KAT6B: variants seen among roughly 807,000 people sequenced by gnomAD.
The protein encoded by KAT6B is lysine acetyltransferase 6B, also known as histone acetyltransferase KAT6B.
A neutral mutation model predicts 187.5 loss-of-function variants in KAT6B; 10 were observed. That is an observed-to-expected ratio of 0.05 (90% CI 0.03 to 0.09). KAT6B has a LOEUF of 0.09. Ranked by LOEUF, KAT6B falls within the 10% of genes least tolerant of loss-of-function variation. The probability of loss-of-function intolerance (pLI) is 1.00; values close to 1 mark genes in which losing one functional copy is unlikely to be tolerated. For synonymous variants in KAT6B, 861 were observed against 926.8 expected (o/e 0.93, Z 1.29); for missense variants, 1,952 against 2,558.9 (o/e 0.76, Z 5.12).
At chr10:74,940,296 G>A (rs1467520622) in intron 3 of KAT6B, among the ~76,000 whole-genome samples, 1 of 142,558 alleles carries the variant, frequency 7.0e-6, no homozygotes, top group Non-Finnish European at 1.5e-5. Context: ...TTTTTTTTGA[G>A]ACAGAGTCTC....
At chr10:74,935,341 T>C (rs1849183999) in intron 3 of KAT6B, among the ~76,000 whole-genome samples, 1 of 152,224 alleles carries the variant, frequency 6.6e-6, no homozygotes, top group Admixed American at 6.5e-5. Flanking sequence ...GAAAAGTATT[T>C]AGAATTATAT....
At chr10:74,922,685 A>G (rs745725367) in intron 3 of KAT6B, among the ~76,000 whole-genome samples, 1 of 152,214 alleles carries the variant, frequency 6.6e-6, no homozygotes, top group Non-Finnish European at 1.5e-5. Context: ...TTTAACTTAC[A>G]TAGCGTTAAG....
chr10:74,941,354 T>G (rs1400091213), intron 3 of KAT6B, among the ~76,000 whole-genome samples: 1 of 152,216 alleles, frequency 6.6e-6, no homozygotes, highest in Non-Finnish European at 1.5e-5. Flanking sequence ...AGAACCAACA[T>G]TTTCTGCCAA....
chr10:74,904,699 T>G (rs1846635471), intron 3 of KAT6B, among the ~76,000 whole-genome samples: 1 of 152,212 alleles, frequency 6.6e-6, no homozygotes, highest in Admixed American at 6.5e-5. Context: ...CCAGGCTTGG[T>G]TGGATATTTC....
At chr10:74,938,960 C>T (rs1849458764) in intron 3 of KAT6B, among the ~76,000 whole-genome samples, 1 of 152,078 alleles carries the variant, frequency 6.6e-6, no homozygotes, top group Non-Finnish European at 1.5e-5. Flanking sequence ...TGGTCTCGAA[C>T]TCCTGACCTC....
At chr10:74,971,972 T>C (rs1248588831) in intron 6 of KAT6B, among the ~76,000 whole-genome samples, 2 of 152,160 alleles carry the variant, frequency 1.3e-5, no homozygotes, top group Non-Finnish European at 1.5e-5. Flanking sequence ...TTCTGGTCTT[T>C]CCATTCTTAT....
intron 3 of KAT6B, among the ~76,000 whole-genome samples, chr10:74,869,356 G>A (rs903280561): frequency 3.3e-5 from 5 of 151,878 alleles, no homozygotes; most frequent in Admixed American, 6.6e-5. Flanking sequence ...GGAGTGCAGC[G>A]GTGCGATCTC....
At chr10:75,002,909 C>T (rs1447280744) in intron 13 of KAT6B, 1 of 152,170 alleles carries the variant, frequency 6.6e-6, no homozygotes, top group Non-Finnish European at 1.5e-5. Context: ...GAGCCTGGCG[C>T]TTAGTAGGTT....
chr10:74,846,245 G>A (rs969722600), intron 3 of KAT6B, among the ~76,000 whole-genome samples: 4 of 151,982 alleles, frequency 2.6e-5, no homozygotes, highest in Non-Finnish European at 4.4e-5. Context: ...TTGTGTTTGT[G>A]TAACCAACCT....
chr10:74,882,484 G>A (rs1334199433), intron 3 of KAT6B, among the ~76,000 whole-genome samples: 1 of 152,212 alleles, frequency 6.6e-6, no homozygotes, highest in Non-Finnish European at 1.5e-5. Flanking sequence ...GTATTATTGT[G>A]TATGAGACTA....
At chr10:74,907,470 G>C (rs1355485164) in intron 3 of KAT6B, among the ~76,000 whole-genome samples, 1 of 152,090 alleles carries the variant, frequency 6.6e-6, no homozygotes, top group Non-Finnish European at 1.5e-5. Flanking sequence ...CTTCGTGATG[G>C]CTTTTCTTCA....
chr10:74,910,382 T>C (rs562157075), intron 3 of KAT6B, among the ~76,000 whole-genome samples: 2 of 152,278 alleles, frequency 1.3e-5, no homozygotes, highest in African/African-American at 4.8e-5. Context: ...AAAATCCCAA[T>C]ACCCCCTCGT....
In KAT6B at chr10:75,018,126, T is replaced by G. The variant is rs372153594; in HGVS notation, c.2630-2456T>G. ...CGCCTGCTGTGCTCTGGCTGGAGCT[T>G]GGGTTTGCAGTTGTCTTCTTTACAG... On this transcript the variant is annotated intron_variant, in intron 13 of 17. Transcript: ENST00000287239. 1.2e-3 allele frequency among the ~76,000 whole-genome samples: 179 copies of G among 152,300 alleles called. 4 individuals are homozygous for G. The South Asian group carries it at 0.036, about 31-fold the overall frequency.
chr10:74,842,828 CTT>C lies in KAT6B; in HGVS notation c.-27_-26del. ...ATACAAAGAGAACCTCTATGGGTAA[CTT>C]TTGTGTTGAAGAAGTCATTTGTCAA... On this transcript the variant is annotated 5_prime_UTR_variant, in exon 3 of 18. It introduces an in-frame stop codon into an upstream open reading frame of the 5' UTR. Transcript: ENST00000287239. The C allele has an allele frequency of 6.2e-6, 10 of 1,612,862 alleles. No individual in the cohort carries two copies. The highest frequency in any genetic ancestry group is 1.1e-5 in the South Asian group (1 of 91,080).
intron 3 of KAT6B, among the ~76,000 whole-genome samples, chr10:74,931,122 G>A (rs947156064): frequency 6.6e-6 from 1 of 152,212 alleles, no homozygotes; most frequent in African/African-American, 2.4e-5. Context: ...TTTGCCACTA[G>A]TGTTGAGGAT....
At position 75,030,436 on chromosome 10, in the gene KAT6B, G is replaced by A. The variant is rs771768102; in HGVS notation, c.5612G>A (p.Gly1871Glu). 2.5e-6 allele frequency: 4 copies of A among 1,614,138 alleles called. No homozygotes were observed. The South Asian group carries it at 3.3e-5, about 13-fold the overall frequency. The change falls in exon 18 of 18, where the codon GGA becomes GAA. Residue 1871 changes from glycine (G) to glutamate (E), a missense_variant. Physicochemically the swap from Gly to Glu is moderately conservative, Grantham distance 98. Transcript: ENST00000287239. This position sits in a 1 kb window ranked among gnomAD's most constrained non-coding sequence, Gnocchi z 4.8. ...CAGTCTCCACACTCCGTCCCTGGGG[G>A]ACCCCAAGCACAAGCTACCATGACC... ...LSQSPHSVPG[G>E]PQAQATMTPP...
chr10:74,933,710 C>T (rs1284865502), intron 3 of KAT6B, among the ~76,000 whole-genome samples: 1 of 152,124 alleles, frequency 6.6e-6, no homozygotes, highest in African/African-American at 2.4e-5. Flanking sequence ...ATAAATTATT[C>T]ATATATACAT....
rs560900293 is a variant in KAT6B at position 74,880,023 on chromosome 10, T to G, written c.621+36545T>G. Among the ~76,000 whole-genome samples the G allele has an allele frequency of 2.6e-5, 4 of 152,026 alleles. No individual in the cohort carries two copies. The South Asian group carries it at 8.3e-4, about 32-fold the overall frequency. On this transcript the variant is annotated intron_variant, in intron 3 of 17. Transcript: ENST00000287239. ...TTGCACTCTAGCCTGGGCGACAGAGTGAGACTCCATCTCAAAAAATAATAA... is the reference window on the plus strand; with the variant it reads ...TTGCACTCTAGCCTGGGCGACAGAGGGAGACTCCATCTCAAAAAATAATAA...
At chr10:74,887,326 C>T (rs538492549) in intron 3 of KAT6B, among the ~76,000 whole-genome samples, 20 of 152,134 alleles carry the variant, frequency 1.3e-4, no homozygotes, top group African/African-American at 4.8e-4. Context: ...GCAGGGCTTT[C>T]GTCTCTGTTT....
Sources: gnomAD v4.1 joint callset for allele counts (sites outside exome capture counted in the v4.1 genomes callset) on GRCh38, gnomAD v4.1.1 for gene constraint, Gnocchi (gnomAD v3.1) non-coding constraint, MANE v1.5 for transcripts, NCBI Gene and HGNC (gene_info 2026-07-23, HGNC 2026-07-21) for gene names.